Variants in SLC26A7 observed in about 807,000 individuals in gnomAD.
The protein encoded by SLC26A7 is anion exchange transporter.
A neutral mutation model predicts 82.5 loss-of-function variants in SLC26A7; 59 were observed. That is an observed-to-expected ratio of 0.72 (90% CI 0.58 to 0.89). The LOEUF (loss-of-function observed/expected upper bound fraction) is 0.89. Among genes scored for constraint, SLC26A7 ranks in the 40% least tolerant of loss-of-function variants. The pLI is 0.00. For synonymous variants in SLC26A7, 271 were observed against 274.3 expected (o/e 0.99, Z 0.12); for missense variants, 820 against 793.0 (o/e 1.03, Z -0.41).
chr8:91,385,870 A>G (rs935404689), intron 15 of SLC26A7, among the ~76,000 whole-genome samples: 3 of 152,212 alleles, frequency 2.0e-5, no homozygotes, highest in African/African-American at 4.8e-5. Context: ...AACTTGTTTA[A>G]GAATTTTCAA....
At chr8:91,254,696 T>C (rs1810753676) in intron 2 of SLC26A7, among the ~76,000 whole-genome samples, 1 of 152,148 alleles carries the variant, frequency 6.6e-6, no homozygotes, top group South Asian at 2.1e-4. Flanking sequence ...GATGTATTAA[T>C]TTCAAAGAAA....
chr8:91,214,074 T>C (rs1240269042), intron 1 of SLC26A7, among the ~76,000 whole-genome samples: 2 of 152,176 alleles, frequency 1.3e-5, no homozygotes, highest in East Asian at 3.9e-4. Context: ...GCTGGCTTAG[T>C]TGAAGTTTGA....
rs775035424 is a variant in SLC26A7, at chr8:91,334,372, C to A, written c.720C>A (p.Val240=). The A allele has an allele frequency of 6.2e-7, 1 of 1,613,248 alleles. No individual in the cohort carries two copies. Among genetic ancestry groups the A allele is most frequent in the South Asian group, 1.1e-5 (1 of 91,040 alleles). Residue 240 remains valine (V), a synonymous_variant, in exon 6 of 19, where the codon GTC becomes GTA. Transcript: ENST00000276609. ...ALLLSLLSIV[V]LVLVKELNEQ... ...TTTTATCCTTGCTGAGCATTGTGGTCCTTGTTCTTGTTAAAGAGCTGAATG... is the reference window on the plus strand; with the variant it reads ...TTTTATCCTTGCTGAGCATTGTGGTACTTGTTCTTGTTAAAGAGCTGAATG...
chr8:91,301,591 GC>G (rs529690392), intron 4 of SLC26A7, among the ~76,000 whole-genome samples: 117 of 151,700 alleles, frequency 7.7e-4, no homozygotes, highest in Non-Finnish European at 1.3e-3. Flanking sequence ...TTATATTTGT[GC>G]TTTTTCCTTT....
intron 15 of SLC26A7, among the ~76,000 whole-genome samples, chr8:91,375,979 A>T (rs1302767039): frequency 3.3e-5 from 5 of 152,116 alleles, no homozygotes; most frequent in African/African-American, 1.2e-4. Flanking sequence ...AATTTGAAAG[A>T]CTAGTCTTCA....
chr8:91,291,577 G>T (rs1811870255), intron 3 of SLC26A7, among the ~76,000 whole-genome samples: 2 of 152,088 alleles, frequency 1.3e-5, no homozygotes, highest in Admixed American at 1.3e-4. Flanking sequence ...AAACAAGTTT[G>T]TCCAATATAC....
chr8:91,219,944 C>T (rs910244089), intron 2 of SLC26A7, among the ~76,000 whole-genome samples: 2 of 152,180 alleles, frequency 1.3e-5, no homozygotes, highest in Non-Finnish European at 2.9e-5. Context: ...TTCTTCTTGT[C>T]ACTACGTATG....
intron 3 of SLC26A7, among the ~76,000 whole-genome samples, chr8:91,294,092 T>G (rs1811949529): frequency 6.6e-6 from 1 of 152,258 alleles, no homozygotes; most frequent in Non-Finnish European, 1.5e-5. Context: ...AAAAGAATGT[T>G]ATTCAATCTG....
intron 18 of SLC26A7, 91 bp from the exon 19 acceptor site, chr8:91,394,971 G>C: frequency 7.0e-7 from 1 of 1,423,638 alleles, no homozygotes; most frequent in African/African-American, 1.4e-5. Context: ...TAGCTGGACA[G>C]CTTGCTTCAG....
At chr8:91,365,276 CAT>C (rs1435913755) in intron 13 of SLC26A7, among the ~76,000 whole-genome samples, 1 of 152,214 alleles carries the variant, frequency 6.6e-6, no homozygotes, top group African/African-American at 2.4e-5. Context: ...TTGGGCCACA[CAT>C]AAAATACACT....
chr8:91,333,764 A>G (rs1813162351), intron 5 of SLC26A7, among the ~76,000 whole-genome samples: 1 of 152,202 alleles, frequency 6.6e-6, no homozygotes, highest in Non-Finnish European at 1.5e-5. Context: ...GGTGCTTGGT[A>G]TAAAGTAAGT....
intron 9 of SLC26A7, 75 bp from the exon 10 acceptor site, chr8:91,351,735 C>A: frequency 1.1e-6 from 1 of 912,036 alleles, no homozygotes; most frequent in Non-Finnish European, 1.8e-6. Flanking sequence ...AATTATCCCC[C>A]CCACCCCATA....
intron 4 of SLC26A7, among the ~76,000 whole-genome samples, chr8:91,303,194 G>GT (rs1217395839): frequency 6.6e-6 from 1 of 152,198 alleles, no homozygotes; most frequent in Non-Finnish European, 1.5e-5. Context: ...TAAAATGCCA[G>GT]TATCAATTAG....
intron 2 of SLC26A7, among the ~76,000 whole-genome samples, chr8:91,239,012 T>A (rs897929107): frequency 6.6e-6 from 1 of 152,144 alleles, no homozygotes; most frequent in Non-Finnish European, 1.5e-5. Context: ...TTGGCCCTAG[T>A]TTTAAGTGCA....
At chr8:91,219,173 A>G in intron 2 of SLC26A7, 1 of 392,208 alleles carries the variant, frequency 2.5e-6, no homozygotes, top group Non-Finnish European at 4.5e-6. Flanking sequence ...ATCTGCCTTC[A>G]GCTTGCTTAG....
At chr8:91,361,888 A>G (rs1307844540) in intron 11 of SLC26A7, among the ~76,000 whole-genome samples, 1 of 152,146 alleles carries the variant, frequency 6.6e-6, no homozygotes, top group Admixed American at 6.5e-5. Context: ...TTTTAAAATT[A>G]GGCTTCCTGA....
intron 2 of SLC26A7, among the ~76,000 whole-genome samples, chr8:91,275,946 C>T (rs1488284217): frequency 6.6e-6 from 1 of 152,116 alleles, no homozygotes; most frequent in Non-Finnish European, 1.5e-5. Context: ...TTTGCTATTG[C>T]ACACTTATCC....
chr8:91,332,196 G>A (rs1275317820), intron 5 of SLC26A7, among the ~76,000 whole-genome samples: 1 of 143,998 alleles, frequency 6.9e-6, no homozygotes, highest in Admixed American at 7.1e-5. Flanking sequence ...TTAAGTTAGA[G>A]ACCCTACCTC....
intron 2 of SLC26A7, among the ~76,000 whole-genome samples, chr8:91,287,096 C>T (rs1778064999): frequency 6.6e-6 from 1 of 152,058 alleles, no homozygotes; most frequent in Non-Finnish European, 1.5e-5. Flanking sequence ...ATTTCAATAT[C>T]AGTGTAATAT....
Sources: allele counts gnomAD v4.1 joint callset (sites outside exome capture counted in the v4.1 genomes callset), GRCh38; gene constraint gnomAD v4.1.1; transcripts MANE v1.5; gene names NCBI Gene and HGNC (gene_info 2026-07-23, HGNC 2026-07-21).